The following STAC variants were observed in gnomAD, a reference collection of about 807,000 sequenced individuals.
The protein encoded by STAC is SH3 and cysteine-rich domain-containing protein.
STAC carries 43 observed loss-of-function variants against 48.8 expected under a neutral mutation model. That is an observed-to-expected ratio of 0.88 (90% CI 0.69 to 1.14). STAC has a LOEUF of 1.14. STAC is among the 50% of genes most tolerant of loss of function. The probability of loss-of-function intolerance (pLI) is 0.00; values close to 1 mark genes in which losing one functional copy is unlikely to be tolerated. For synonymous variants in STAC, 193 were observed against 179.5 expected (o/e 1.07, Z -0.60); for missense variants, 497 against 504.0 (o/e 0.99, Z 0.13).
In STAC at chr3:36,510,835, A is replaced by T. The variant is rs551906390; in HGVS notation, c.920+5001A>T. Among the ~76,000 whole-genome samples, 11 of 152,256 alleles carry T rather than the reference A, an allele frequency of 7.2e-5. No individual in the cohort carries two copies. The East Asian group carries it at 1.5e-3, about 21-fold the overall frequency. On this transcript the variant is annotated intron_variant, in intron 8 of 10. Coordinates refer to ENST00000273183, the MANE Select transcript of STAC (RefSeq NM_003149.3). ...GTTGGGGGGCTAAGGGAGGTATAGC[A>T]TTAGGAGAAATACCTAATGTAGATG...
Position 36,546,284 on chromosome 3 carries a change from A to C in STAC, c.1204A>C (p.Ile402Leu), listed in dbSNP as rs148137405. ...CATCCCCCTTGATGTACTAGAAAAC[A>C]TCTGATTGCTGGCTCCTCCTCCGTT... ...GLIPLDVLEN[I>L] Residue 402 changes from isoleucine to leucine, a missense_variant, in exon 11 of 11, where the codon ATC becomes CTC. Transcript: ENST00000273183. 51 of 1,613,866 alleles carry C rather than the reference A, an allele frequency of 3.2e-5. 1 individual carries two copies. The African/African-American group carries it at 6.5e-4, about 21-fold the overall frequency.
At chr3:36,487,508 T>G (rs898721243) in intron 5 of STAC, among the ~76,000 whole-genome samples, 1 of 152,162 alleles carries the variant, frequency 6.6e-6, no homozygotes, top group African/African-American at 2.4e-5. Context: ...TTAGCAGACA[T>G]GAATGAAGGG....
chr3:36,467,279 C>A (rs1400418843), intron 2 of STAC, among the ~76,000 whole-genome samples: 1 of 152,090 alleles, frequency 6.6e-6, no homozygotes, highest in Non-Finnish European at 1.5e-5. Flanking sequence ...CATCTATATT[C>A]ATCAGGGATA....
intron 1 of STAC, among the ~76,000 whole-genome samples, chr3:36,421,024 A>G (rs1700437005): frequency 6.6e-6 from 1 of 152,070 alleles, no homozygotes; most frequent in Admixed American, 6.6e-5. Flanking sequence ...ACATTGTTTC[A>G]TATTGTGGAA....
intron 1 of STAC, among the ~76,000 whole-genome samples, chr3:36,397,140 T>C (rs2125621978): frequency 6.6e-6 from 1 of 152,318 alleles, no homozygotes; most frequent in Middle Eastern, 3.4e-3. Flanking sequence ...ATTAATCTGG[T>C]AGTTCAGACT....
At chr3:36,491,672 AGATAATTTGTCCCTCTCC>A (rs1697970274) in intron 5 of STAC, among the ~76,000 whole-genome samples, 2 of 152,122 alleles carry the variant, frequency 1.3e-5, no homozygotes, top group African/African-American at 2.4e-5. Flanking sequence ...AGAGCTAAGA[AGATAATTTGTCCCTCTCC>A]GATAAGATGT....
rs373000864 is a variant in STAC, at chr3:36,467,905, T to C, written c.389-15087T>C. Reference sequence around the variant, plus strand: ...TGCTGTGTTTGGGTTCAGATTTTTCTTGTTTCTCCAGTTCCTTGAGTTGTG... The same window carrying C: ...TGCTGTGTTTGGGTTCAGATTTTTCCTGTTTCTCCAGTTCCTTGAGTTGTG... On this transcript the variant is annotated intron_variant, in intron 2 of 10. Transcript: ENST00000273183. Among the ~76,000 whole-genome samples, 18 of 152,236 alleles carry C rather than the reference T, an allele frequency of 1.2e-4. No individual in the cohort carries two copies. In the South Asian group the frequency reaches 1.7e-3, roughly 14 times the overall value.
At chr3:36,502,459 T>C (rs901313820) in intron 6 of STAC, among the ~76,000 whole-genome samples, 1 of 152,192 alleles carries the variant, frequency 6.6e-6, no homozygotes, top group African/African-American at 2.4e-5. Flanking sequence ...CTTCAAATAT[T>C]TTTCAGCAAA....
chr3:36,508,882 T>C (rs903099462), intron 8 of STAC, among the ~76,000 whole-genome samples: 1 of 152,226 alleles, frequency 6.6e-6, no homozygotes, highest in African/African-American at 2.4e-5. Flanking sequence ...TTTGCCAGTC[T>C]GCAACTTTTA....
Position 36,443,506 on chromosome 3 carries a change from C to T in STAC, c.254C>T (p.Pro85Leu). The T allele has an allele frequency of 6.2e-7, 1 of 1,614,218 alleles. No individual in the cohort carries two copies. ...GCTGAGATCAGCCCCAGCTCCAGCC[C>T]ACTCCCTGCTCCAGGAAGCCTGACG... Reference protein sequence around the residue: ...MVAEISPSSSPLPAPGSLTST... With the variant: ...MVAEISPSSSLLPAPGSLTST... The change falls in exon 2 of 11, where the codon CCA (proline) becomes CTA (leucine). Residue 85 changes from proline (P) to leucine (L), a missense_variant. Physicochemically the swap from Pro to Leu is moderately conservative, Grantham distance 98. Transcript: ENST00000273183. The surrounding 1 kb of genome is among the most constrained non-coding windows in gnomAD (Gnocchi z 4.2).
intron 8 of STAC, among the ~76,000 whole-genome samples, chr3:36,514,184 G>A (rs897122859): frequency 8.1e-6 from 1 of 123,780 alleles, no homozygotes; most frequent in African/African-American, 3.1e-5. Context: ...TGACCTCTCT[G>A]ATCCATCTAC....
At chr3:36,424,355 G>C (rs917790034) in intron 1 of STAC, among the ~76,000 whole-genome samples, 1 of 152,028 alleles carries the variant, frequency 6.6e-6, no homozygotes, top group African/African-American at 2.4e-5. Context: ...GAGCAATGAA[G>C]TTTATTTTAA....
intron 8 of STAC, among the ~76,000 whole-genome samples, chr3:36,527,106 T>G (rs916465478): frequency 1.3e-5 from 2 of 152,188 alleles, no homozygotes; most frequent in African/African-American, 4.8e-5. Context: ...CGGAGAAGCC[T>G]GTCCACATCC....
chr3:36,500,911 G>A (rs774371748), intron 6 of STAC, among the ~76,000 whole-genome samples: 24 of 152,090 alleles, frequency 1.6e-4, no homozygotes, highest in Non-Finnish European at 3.1e-4. Flanking sequence ...GGCAACTTAG[G>A]GAGACTCTGT....
chr3:36,509,608 T>A lies in STAC; in HGVS notation c.920+3774T>A, dbSNP rs551776118. On this transcript the variant is annotated intron_variant, in intron 8 of 10. Transcript: ENST00000273183. ...GGAGGCTTTGTTTATTCCTTTTCAT[T>A]CTTTTTTCTCTAATCTTGTCTTCAC... Among the ~76,000 whole-genome samples the A allele has an allele frequency of 4.2e-4, 64 of 152,202 alleles. No homozygotes were observed. The South Asian group carries it at 4.6e-3, about 11-fold the overall frequency.
chr3:36,431,385 C>T (rs537902411), intron 1 of STAC, among the ~76,000 whole-genome samples: 18 of 152,238 alleles, frequency 1.2e-4, no homozygotes, highest in African/African-American at 2.9e-4. Flanking sequence ...CACTGCCGCC[C>T]GTGTTGGGCT....
chr3:36,400,868 T>G (rs950048051), intron 1 of STAC, among the ~76,000 whole-genome samples: 1 of 152,160 alleles, frequency 6.6e-6, no homozygotes, highest in Non-Finnish European at 1.5e-5. Flanking sequence ...CTGTAGATAT[T>G]CCCTTCATAT....
chr3:36,418,504 G>A (rs73059982), intron 1 of STAC, among the ~76,000 whole-genome samples: 2,746 of 151,978 alleles, frequency 0.018, 52 homozygotes, highest in Non-Finnish European at 0.025. Context: ...TCTATTCTGA[G>A]GAACTCATTG....
At chr3:36,453,354 T>G (rs1015929487) in intron 2 of STAC, among the ~76,000 whole-genome samples, 1 of 151,982 alleles carries the variant, frequency 6.6e-6, no homozygotes, top group Non-Finnish European at 1.5e-5. Flanking sequence ...GGGAGAGGCG[T>G]GGGCGGGAAC....
Sources: allele counts gnomAD v4.1 joint callset (sites outside exome capture counted in the v4.1 genomes callset), GRCh38; gene constraint gnomAD v4.1.1; non-coding constraint Gnocchi (gnomAD v3.1); transcripts MANE v1.5; gene names NCBI Gene and HGNC (gene_info 2026-07-23, HGNC 2026-07-21).